The following SOX5 variants were observed in gnomAD, a reference collection of about 807,000 sequenced individuals.
SOX5 encodes transcription factor SOX-5.
Under a neutral mutation model 92.0 loss-of-function variants are expected in SOX5, and 9 were observed. The observed-to-expected ratio is 0.10, with a 90% confidence interval of 0.06 to 0.17. The LOEUF (loss-of-function observed/expected upper bound fraction) is 0.17, where lower values mean the gene tolerates loss of function less well. Among genes scored for constraint, SOX5 ranks in the 10% least tolerant of loss-of-function variants. SOX5 has a pLI of 1.00. For missense variants in SOX5, 642 were observed against 944.5 expected (o/e 0.68, Z 4.20); for synonymous variants, 344 against 336.3 (o/e 1.02, Z -0.25).
At chr12:24,307,050 T>C (rs1188683277) in intron 2 of SOX5, among the ~76,000 whole-genome samples, 3 of 151,978 alleles carry the variant, frequency 2.0e-5, no homozygotes, top group African/African-American at 4.8e-5. Flanking sequence ...CAGGGCAACA[T>C]GGCAAAACCC....
In SOX5 at chr12:23,621,955, C is replaced by G. The variant is rs555999651; in HGVS notation, c.1018-17422G>C. ...GCTCAATCCTGTTTCAACTGTCACT[C>G]TTTACATCAAGGAAAGATAGATGGG... On this transcript the variant is annotated intron_variant, in intron 8 of 14. Transcript: ENST00000451604. Among the ~76,000 whole-genome samples, 82 of 152,232 alleles carry G rather than the reference C, an allele frequency of 5.4e-4. 1 individual carries two copies. Among genetic ancestry groups the G allele is most frequent in the African/African-American group, 1.9e-3 (80 of 41,552 alleles).
At chr12:24,031,778 T>C (rs1003131398) in intron 4 of SOX5, among the ~76,000 whole-genome samples, 1 of 151,744 alleles carries the variant, frequency 6.6e-6, no homozygotes, top group African/African-American at 2.4e-5. Flanking sequence ...CAGAGTAACT[T>C]AGCAATTGAG....
At chr12:23,814,237 GC>G (rs2095939042) in intron 3 of SOX5, among the ~76,000 whole-genome samples, 1 of 152,222 alleles carries the variant, frequency 6.6e-6, no homozygotes, top group South Asian at 2.1e-4. Flanking sequence ...CATAACATGT[GC>G]TGATCTAATT....
At chr12:24,095,925 T>C (rs1338699571) in intron 4 of SOX5, among the ~76,000 whole-genome samples, 1 of 152,150 alleles carries the variant, frequency 6.6e-6, no homozygotes, top group Non-Finnish European at 1.5e-5. Flanking sequence ...GAACTACGAG[T>C]CAATTAAACT....
At chr12:24,401,708 T>TAAAAAA (rs71063321) in intron 1 of SOX5, among the ~76,000 whole-genome samples, 15 of 99,454 alleles carry the variant, frequency 1.5e-4, no homozygotes, top group African/African-American at 5.9e-4. Flanking sequence ...ACCCTATCTT[T>TAAAAAA]AAAAAAAAAA....
chr12:23,542,096 C>T lies in SOX5; in HGVS notation c.1771+1115G>A, dbSNP rs111401866. ...CTGCACTCCAGCCTGGGCGGTAAAG[C>T]GAGACTCCATCTGCAAAACAAAACC... On this transcript the variant is annotated intron_variant, in intron 13 of 14. Coordinates refer to ENST00000451604, the MANE Select transcript of SOX5 (RefSeq NM_006940.6). Among the ~76,000 whole-genome samples the T allele has an allele frequency of 7.4e-4, 112 of 152,264 alleles. 1 individual carries two copies. Among genetic ancestry groups the T allele is most frequent in the African/African-American group, 2.5e-3 (103 of 41,552 alleles).
At chr12:23,940,830 T>C (rs3925064) in intron 1 of SOX5, among the ~76,000 whole-genome samples, 46,892 of 150,024 alleles carry the variant, frequency 0.31, 8,057 homozygotes, top group East Asian at 0.7. Flanking sequence ...AACACTCAAC[T>C]TTCATATTAT....
At chr12:23,766,111 T>C (rs899040423) in intron 3 of SOX5, among the ~76,000 whole-genome samples, 1 of 152,198 alleles carries the variant, frequency 6.6e-6, no homozygotes, top group African/African-American at 2.4e-5. Flanking sequence ...GACAGACTTT[T>C]CTAAATGCTA....
At chr12:23,744,747 G>A (rs1427527974) in intron 4 of SOX5, among the ~76,000 whole-genome samples, 1 of 152,012 alleles carries the variant, frequency 6.6e-6, no homozygotes, top group Non-Finnish European at 1.5e-5. Context: ...ACAGATTTAA[G>A]CATATACAAT....
At chr12:24,303,882 A>G (rs1015179377) in intron 2 of SOX5, among the ~76,000 whole-genome samples, 1 of 152,224 alleles carries the variant, frequency 6.6e-6, no homozygotes, top group African/African-American at 2.4e-5. Flanking sequence ...AAAACTCAGA[A>G]AATTCTGTCA....
intron 4 of SOX5, among the ~76,000 whole-genome samples, chr12:24,023,224 T>A (rs529160617): frequency 4.6e-5 from 7 of 152,278 alleles, no homozygotes; most frequent in Admixed American, 2.0e-4. Context: ...CACATTCAGA[T>A]GTTTGTTACA....
intron 4 of SOX5, among the ~76,000 whole-genome samples, chr12:24,069,805 C>T (rs573275324): frequency 5.9e-5 from 9 of 152,272 alleles, no homozygotes; most frequent in Admixed American, 3.9e-4. Context: ...CTTTAATGGT[C>T]CCCATAGGCT....
At chr12:24,462,185 C>A (rs1273110181) in intron 1 of SOX5, among the ~76,000 whole-genome samples, 2 of 152,168 alleles carry the variant, frequency 1.3e-5, no homozygotes, top group South Asian at 2.1e-4. Flanking sequence ...ATGGCGCAGC[C>A]TATTACTCCC....
rs552581655 is a variant in SOX5 at position 24,547,284 on chromosome 12, C to T, written c.-251+15045G>A. 3.2e-3 allele frequency among the ~76,000 whole-genome samples: 484 copies of T among 150,326 alleles called. 2 individuals carry two copies. Among genetic ancestry groups the T allele is most frequent in the African/African-American group, 0.011 (447 of 40,982 alleles). Reference sequence around the variant, plus strand: ...TCGGCTCAATGCAAGCTCCGCTTCCCGGGTTCACGCCATTCTCCTGCCTCA... The same window carrying T: ...TCGGCTCAATGCAAGCTCCGCTTCCTGGGTTCACGCCATTCTCCTGCCTCA... On this transcript the variant is annotated intron_variant, in intron 1 of 4. Coordinates refer to the SOX5 transcript ENST00000446891.
intron 1 of SOX5, among the ~76,000 whole-genome samples, chr12:24,458,198 T>A (rs1039449365): frequency 3.9e-5 from 6 of 152,202 alleles, no homozygotes; most frequent in South Asian, 2.1e-4. Context: ...TATCCTAAAT[T>A]ATTTTTAAAG....
intron 4 of SOX5, among the ~76,000 whole-genome samples, chr12:24,130,395 G>A (rs1291251021): frequency 6.6e-6 from 1 of 152,190 alleles, no homozygotes; most frequent in Non-Finnish European, 1.5e-5. Context: ...TCTGCTTATA[G>A]GTATAAGAAA....
At chr12:24,203,965 A>C (rs1167863457) in intron 4 of SOX5, among the ~76,000 whole-genome samples, 1 of 152,180 alleles carries the variant, frequency 6.6e-6, no homozygotes, top group Non-Finnish European at 1.5e-5. Context: ...ATATTAACAC[A>C]GTTCCAAAAA....
chr12:24,170,187 C>T (rs1178092577), intron 4 of SOX5, among the ~76,000 whole-genome samples: 2 of 124,800 alleles, frequency 1.6e-5, no homozygotes, highest in Non-Finnish European at 3.8e-5. Context: ...TCAGGAGGAA[C>T]ATTGGAAAAC....
At chr12:24,380,328 T>G (rs560482126) in intron 1 of SOX5, among the ~76,000 whole-genome samples, 7 of 152,224 alleles carry the variant, frequency 4.6e-5, no homozygotes, top group Non-Finnish European at 8.8e-5. Flanking sequence ...GTGAGAGGAT[T>G]AACAGAATTC....
Sources: allele counts gnomAD v4.1 joint callset (sites outside exome capture counted in the v4.1 genomes callset), GRCh38; gene constraint gnomAD v4.1.1; transcripts MANE v1.5; gene names NCBI Gene and HGNC (gene_info 2026-07-23, HGNC 2026-07-21).